Variants in RGS21 observed in about 807,000 individuals in gnomAD.
RGS21 encodes the protein regulator of G protein signaling 21.
In RGS21, 19 loss-of-function variants were observed where a neutral mutation model predicts 18.7. The ratio of observed to expected loss-of-function variants is 1.01; its 90% CI spans 0.71 to 1.49. The LOEUF (loss-of-function observed/expected upper bound fraction) is 1.49, where lower values mean the gene tolerates loss of function less well. RGS21 is among the 40% of genes most tolerant of loss of function. The probability of loss-of-function intolerance (pLI) is 0.00; values close to 1 mark genes in which losing one functional copy is unlikely to be tolerated. For missense variants in RGS21, 194 were observed against 176.8 expected, an observed-to-expected ratio of 1.10 and a Z score of -0.55; for synonymous variants, 56 against 57.8, an observed-to-expected ratio of 0.97 and a Z score of 0.14.
intron 3 of RGS21, among the ~76,000 whole-genome samples, chr1:192,347,701 T>A (rs1658975533): frequency 6.6e-6 from 1 of 152,066 alleles, no homozygotes; most frequent in Non-Finnish European, 1.5e-5. Context: ...TCTCTCTCTA[T>A]CAGGCTGGAG....
chr1:192,335,928 AT>A (rs988941221), intron 1 of RGS21, among the ~76,000 whole-genome samples: 2 of 152,190 alleles, frequency 1.3e-5, no homozygotes, highest in African/African-American at 4.8e-5. Flanking sequence ...CCAGGCTAGC[AT>A]TTTGGACTTC....
At chr1:192,341,339 G>C (rs1196117194) in intron 1 of RGS21, among the ~76,000 whole-genome samples, 1 of 151,984 alleles carries the variant, frequency 6.6e-6, no homozygotes, top group Non-Finnish European at 1.5e-5. Context: ...TTCAGGGAGG[G>C]TTGTATACTT....
At chr1:192,345,299 T>C (rs1658930144) in intron 2 of RGS21, among the ~76,000 whole-genome samples, 1 of 152,062 alleles carries the variant, frequency 6.6e-6, no homozygotes, top group African/African-American at 2.4e-5. Flanking sequence ...GATGATTCAG[T>C]GACGTTTTCA....
chr1:192,346,485 T>C (rs1226298431), intron 2 of RGS21, among the ~76,000 whole-genome samples: 1 of 152,108 alleles, frequency 6.6e-6, no homozygotes, highest in African/African-American at 2.4e-5. Context: ...AGCTACATAA[T>C]CCAACGTGGT....
intron 1 of RGS21, among the ~76,000 whole-genome samples, chr1:192,325,207 A>G (rs12064435): frequency 0.16 from 24,247 of 151,930 alleles, 2,082 homozygotes; most frequent in South Asian, 0.26. Flanking sequence ...CCCACTTATA[A>G]CTAAGAACAG....
Position 192,335,985 on chromosome 1 carries a change from T to A in RGS21, c.-60-6992T>A, listed in dbSNP as rs541588283. Among the ~76,000 whole-genome samples, 15 of 152,352 alleles carry A rather than the reference T, an allele frequency of 9.8e-5. No individual in the cohort carries two copies. The South Asian group carries it at 3.1e-3, about 32-fold the overall frequency. The stretch of plus-strand genomic sequence containing the variant: ...AACAACAAAAAAATTTTTTAGTTGC[T>A]GTTGAACAAAGTATATTTGTTGTAA... On this transcript the variant is annotated intron_variant, in intron 1 of 4. Transcript: ENST00000417209.
chr1:192,358,065 A>G (rs1571462989), intron 4 of RGS21, among the ~76,000 whole-genome samples: 1 of 151,984 alleles, frequency 6.6e-6, no homozygotes, highest in African/African-American at 2.4e-5. Flanking sequence ...CGGCTGCTCC[A>G]GTGTAGCTGT....
chr1:192,350,492 G>T (rs1332600363), intron 3 of RGS21, among the ~76,000 whole-genome samples: 1 of 152,024 alleles, frequency 6.6e-6, no homozygotes, highest in East Asian at 1.9e-4. Flanking sequence ...CCTGTACTTT[G>T]GAACTTGAAG....
intron 1 of RGS21, among the ~76,000 whole-genome samples, chr1:192,324,622 C>T (rs994268225): frequency 6.6e-6 from 1 of 150,774 alleles, no homozygotes; most frequent in Non-Finnish European, 1.5e-5. Context: ...TGCACACACA[C>T]ACACATAATT....
rs10921132 is a variant in RGS21, at chr1:192,330,277, G to A, written c.-60-12700G>A. Among the ~76,000 whole-genome samples the A allele has an allele frequency of 2.7e-3, 409 of 152,290 alleles. 2 individuals carry two copies. The highest frequency in any genetic ancestry group is 9.2e-3 in the African/African-American group (384 of 41,570). ...AGAGATGGGAAATCATGCAAGCAAA[G>A]CTTTGAAATCCATGGGTAGAATTTA... On this transcript the variant is annotated intron_variant, in intron 1 of 4. Transcript: ENST00000417209.
chr1:192,347,511 T>C, intron 3 of RGS21, 122 bp downstream of exon 3: 1 of 540,776 alleles, frequency 1.8e-6, no homozygotes, highest in Non-Finnish European at 3.3e-6. Context: ...TTATTAATAA[T>C]CATAAATTCA....
rs758436831 is a variant in RGS21, at chr1:192,367,000, A to C, written c.*876A>C. ...AATTTTTAAATGCATTTATTTTGAG[A>C]TGTTCCTAAAATTGTTTCATTCTAT... On this transcript the variant is annotated 3_prime_UTR_variant, in exon 5 of 5. Transcript: ENST00000417209. 1.3e-5 allele frequency: 2 copies of C among 152,030 alleles called. No individual in the cohort carries two copies. The highest frequency in any genetic ancestry group is 2.9e-5 in the Non-Finnish European group (2 of 67,950). The allele number at this position is 152,030 out of a possible 1,614,324, so 9.4% of individuals were successfully genotyped here. A position where few individuals can be genotyped will look rare whatever the true frequency, so the allele number is the denominator to read the frequency against.
intron 4 of RGS21, among the ~76,000 whole-genome samples, chr1:192,354,577 C>G (rs566834821): frequency 6.6e-6 from 1 of 151,724 alleles, no homozygotes; most frequent in Admixed American, 6.6e-5. Context: ...CTTGACAAGA[C>G]TCGGTGACAT....
In RGS21 at chr1:192,366,189, T is replaced by C. The variant is rs1317013362; in HGVS notation, c.*65T>C. The C allele has an allele frequency of 3.3e-5, 31 of 939,054 alleles. No homozygotes were observed. Among genetic ancestry groups the C allele is most frequent in the Non-Finnish European group, 5.2e-5 (31 of 600,938 alleles). 58.2% of individuals were successfully genotyped at this position (939,054 alleles called of 1,614,324 possible). A position where few individuals can be genotyped will look rare whatever the true frequency, so the allele number is the denominator to read the frequency against. On this transcript the variant is annotated 3_prime_UTR_variant, in exon 5 of 5. Transcript: ENST00000417209. ...CAATATTTTAAATATACAAGCATGA[T>C]GCATTGTCTTTTGTTTTGTTTTTAG...
rs1157163977 is a variant in RGS21 at position 192,321,848 on chromosome 1, CCTTATATTAGAATTGAAAA to C, written c.-61+4747_-61+4765del. Among the ~76,000 whole-genome samples, 3 of 151,772 alleles carry C rather than the reference CCTTATATTAGAATTGAAAA, an allele frequency of 2.0e-5. No homozygotes were observed. In the East Asian group the frequency reaches 5.8e-4, roughly 29 times the overall value. ...AATAAATCTTTCATTTTGAGTAGGTCCTTATATTAGAATTGAAAACTTTGACTAAAAAATAAAAAACAGC... is the reference window on the plus strand; with the variant it reads ...AATAAATCTTTCATTTTGAGTAGGTCCTTTGACTAAAAAATAAAAAACAGC... On this transcript the variant is annotated intron_variant, in intron 1 of 4. Transcript: ENST00000417209.
chr1:192,347,670 T>A (rs567840532), intron 3 of RGS21, among the ~76,000 whole-genome samples: 39 of 152,234 alleles, frequency 2.6e-4, no homozygotes, highest in Middle Eastern at 3.4e-3. Flanking sequence ...TTATTTTTTA[T>A]TTTAATACAG....
At chr1:192,335,659 A>G (rs1045936507) in intron 1 of RGS21, among the ~76,000 whole-genome samples, 8 of 152,218 alleles carry the variant, frequency 5.3e-5, no homozygotes, top group Admixed American at 3.9e-4. Context: ...CAGCATCGCA[A>G]TGCTACCAAC....
intron 1 of RGS21, among the ~76,000 whole-genome samples, chr1:192,340,695 A>T (rs944919688): frequency 3.3e-5 from 5 of 152,108 alleles, no homozygotes; most frequent in Non-Finnish European, 5.9e-5. Flanking sequence ...ATTTATAAAG[A>T]AAAAGAGGTT....
chr1:192,348,702 A>C (rs1305498000), intron 3 of RGS21, among the ~76,000 whole-genome samples: 2 of 152,140 alleles, frequency 1.3e-5, no homozygotes, highest in Non-Finnish European at 2.9e-5. Context: ...GTTATAAATA[A>C]TCTGCAATTC....
Sources: allele counts gnomAD v4.1 joint callset (sites outside exome capture counted in the v4.1 genomes callset), GRCh38; gene constraint gnomAD v4.1.1; transcripts MANE v1.5; gene names NCBI Gene and HGNC (gene_info 2026-07-23, HGNC 2026-07-21).